Variants in PEPD observed in about 807,000 individuals in gnomAD.
PEPD encodes the protein peptidase D, also known as xaa-Pro dipeptidase.
In PEPD, 53 loss-of-function variants were observed where a neutral mutation model predicts 60.7. That is an observed-to-expected ratio of 0.87 (90% CI 0.70 to 1.10). PEPD has a LOEUF of 1.10. Ranked by LOEUF, PEPD falls within the 50% of genes least tolerant of loss-of-function variation. The probability of loss-of-function intolerance (pLI) is 0.00; values close to 1 mark genes in which losing one functional copy is unlikely to be tolerated. For missense variants in PEPD, 711 were observed against 711.9 expected (o/e 1.00, Z 0.01); for synonymous variants, 267 against 284.1 (o/e 0.94, Z 0.60).
Position 33,492,720 on chromosome 19 carries a change from C to G in PEPD, c.441+570G>C, listed in dbSNP as rs565326415. On this transcript the variant is annotated intron_variant, in intron 5 of 14. Transcript: ENST00000244137. ...GCTCAGCCTGACACAAATACATCTTCTAGCCAGGTTTAACCTTAGGAGTGG... is the reference window on the plus strand; with the variant it reads ...GCTCAGCCTGACACAAATACATCTTGTAGCCAGGTTTAACCTTAGGAGTGG... Among the ~76,000 whole-genome samples, 11 of 151,968 alleles carry G rather than the reference C, an allele frequency of 7.2e-5. No homozygotes were observed. In the East Asian group the frequency reaches 2.1e-3, roughly 29 times the overall value.
At chr19:33,520,528 T>C (rs142315407) in intron 1 of PEPD, among the ~76,000 whole-genome samples, 2 of 152,368 alleles carry the variant, frequency 1.3e-5, no homozygotes, top group African/African-American at 4.8e-5. Context: ...GAGTCCCATG[T>C]GTCCATCTGT....
At chr19:33,441,893 CTG>C (rs1969485587) in intron 9 of PEPD, among the ~76,000 whole-genome samples, 2 of 152,272 alleles carry the variant, frequency 1.3e-5, no homozygotes, top group Admixed American at 1.3e-4. Context: ...TGCAAGACAA[CTG>C]TGCCTTTCCA....
chr19:33,496,969 C>T (rs1970619282), intron 4 of PEPD, among the ~76,000 whole-genome samples: 2 of 152,392 alleles, frequency 1.3e-5, no homozygotes, highest in South Asian at 2.1e-4. Flanking sequence ...GCCTGCAAGG[C>T]TCCAGAGAGC....
At chr19:33,422,886 A>G (rs1243949530) in intron 9 of PEPD, among the ~76,000 whole-genome samples, 1 of 144,838 alleles carries the variant, frequency 6.9e-6, no homozygotes, top group Non-Finnish European at 1.5e-5. Context: ...CCATCCATCT[A>G]TTCCTCTATC....
At chr19:33,491,884 G>A (rs1970506103) in intron 5 of PEPD, among the ~76,000 whole-genome samples, 1 of 152,178 alleles carries the variant, frequency 6.6e-6, no homozygotes, top group African/African-American at 2.4e-5. Flanking sequence ...AAAACATAAA[G>A]TATATTGATT....
chr19:33,414,729 T>A (rs768722645), intron 9 of PEPD, among the ~76,000 whole-genome samples: 23 of 152,172 alleles, frequency 1.5e-4, no homozygotes, highest in Non-Finnish European at 2.8e-4. Context: ...CAACACAAAT[T>A]ATGTATAATT....
intron 12 of PEPD, among the ~76,000 whole-genome samples, chr19:33,398,505 C>T (rs1018005461): frequency 7.9e-5 from 12 of 152,196 alleles, no homozygotes; most frequent in African/African-American, 2.7e-4. Context: ...AGGCTGTGCC[C>T]GGCGGAGGGC....
intron 9 of PEPD, among the ~76,000 whole-genome samples, chr19:33,441,590 T>C (rs1969481296): frequency 6.6e-6 from 1 of 152,114 alleles, no homozygotes. Context: ...CCCTGTTCCT[T>C]CCCTTCACTC....
At position 33,401,862 on chromosome 19, in the gene PEPD, CG is replaced by C. The variant is rs750548522; in HGVS notation, c.825del (p.Phe275LeufsTer46). 16 of 1,613,080 alleles carry C rather than the reference CG, an allele frequency of 9.9e-6. No homozygotes were observed. In the South Asian group the frequency reaches 1.5e-4, roughly 16 times the overall value. ...RTIQNGDMCL[F>X]DMGGEYYCFA... ...AAGCAGTAATACTCACCGCCCATGT[CG>C]AACAGGCTGCGGAGAGAGGAAGGCA... On this transcript the variant is annotated frameshift_variant, in exon 12 of 15. Transcript: ENST00000244137. LOFTEE classifies it high-confidence loss of function.
intron 11 of PEPD, among the ~76,000 whole-genome samples, chr19:33,411,449 CCTCT>C (rs937874629): frequency 2.0e-5 from 3 of 152,178 alleles, no homozygotes; most frequent in Non-Finnish European, 4.4e-5. Flanking sequence ...TCTCCTGCAC[CCTCT>C]CTCTCAGTGC....
At chr19:33,398,968 C>G (rs542090716) in intron 12 of PEPD, among the ~76,000 whole-genome samples, 1 of 152,188 alleles carries the variant, frequency 6.6e-6, no homozygotes, top group Non-Finnish European at 1.5e-5. Flanking sequence ...TATATTCATA[C>G]TCAGGGGTGG....
At chr19:33,497,993 T>A (rs962436340) in intron 4 of PEPD, among the ~76,000 whole-genome samples, 13 of 152,084 alleles carry the variant, frequency 8.5e-5, no homozygotes, top group Non-Finnish European at 1.5e-5. Flanking sequence ...CCTTTCTCTC[T>A]GAGCCTCAGC....
intron 11 of PEPD, among the ~76,000 whole-genome samples, chr19:33,409,976 G>A (rs1968725532): frequency 6.6e-6 from 1 of 152,234 alleles, no homozygotes; most frequent in Non-Finnish European, 1.5e-5. Context: ...CATGTAGGAG[G>A]AAAGCTGAGC....
intron 9 of PEPD, among the ~76,000 whole-genome samples, chr19:33,414,719 C>A (rs1297574707): frequency 6.6e-6 from 1 of 152,218 alleles, no homozygotes. Context: ...TAGGCACTGT[C>A]AACACAAATT....
chr19:33,409,097 C>T (rs1294183365), intron 11 of PEPD, among the ~76,000 whole-genome samples: 1 of 152,258 alleles, frequency 6.6e-6, no homozygotes, highest in Non-Finnish European at 1.5e-5. Context: ...ATGTGCTGTC[C>T]CGGAGGGCCG....
At chr19:33,418,801 C>T (rs141723908) in intron 9 of PEPD, among the ~76,000 whole-genome samples, 99 of 152,318 alleles carry the variant, frequency 6.5e-4, no homozygotes, top group African/African-American at 2.3e-3. Flanking sequence ...GGAATGAGCA[C>T]CCTCTGAGGC....
At chr19:33,415,439 A>C (rs1384715043) in intron 9 of PEPD, among the ~76,000 whole-genome samples, 1 of 152,216 alleles carries the variant, frequency 6.6e-6, no homozygotes, top group Admixed American at 6.5e-5. Flanking sequence ...TGGGAGGCCA[A>C]GGTTGGAGGA....
At chr19:33,415,721 C>G (rs976758792) in intron 9 of PEPD, among the ~76,000 whole-genome samples, 2 of 152,204 alleles carry the variant, frequency 1.3e-5, no homozygotes, top group Non-Finnish European at 2.9e-5. Flanking sequence ...AAGGCTGACC[C>G]AGTTTTCACC....
At chr19:33,501,072 G>A in intron 3 of PEPD, 71 bp from the exon 4 acceptor site, 1 of 919,094 alleles carries the variant, frequency 1.1e-6, no homozygotes, top group African/African-American at 1.6e-5. Context: ...CTTCCTGCCT[G>A]CCAAGCCCAG....
Sources: allele counts gnomAD v4.1 joint callset (sites outside exome capture counted in the v4.1 genomes callset), GRCh38; gene constraint gnomAD v4.1.1; transcripts MANE v1.5; gene names NCBI Gene and HGNC (gene_info 2026-07-23, HGNC 2026-07-21).